HEPH: variants seen among roughly 807,000 people sequenced by gnomAD.
HEPH encodes the protein hephaestin.
In HEPH, 69 loss-of-function variants were observed where a neutral mutation model predicts 80.8. The observed-to-expected ratio is 0.85, with a 90% CI of 0.70 to 1.04. The LOEUF (loss-of-function observed/expected upper bound fraction) is 1.04, where lower values mean the gene tolerates loss of function less well. HEPH is among the 50% of genes least tolerant of loss of function. The pLI is 0.00. For synonymous variants in HEPH, 431 were observed against 322.8 expected (o/e 1.34, Z -3.60); for missense variants, 1,115 against 891.3 (o/e 1.25, Z -3.20).
rs752212051 is a variant in HEPH at position 66,173,852 on chromosome X, T to C, written c.625+51T>C. The C allele has an allele frequency of 1.7e-5, 16 of 940,698 alleles. No individual in the cohort carries two copies. In the Admixed American group the frequency reaches 4.5e-4, roughly 26 times the overall value. 77.5% of individuals were successfully genotyped at this position (940,698 alleles called of 1,213,427 possible). A position where few individuals can be genotyped will look rare whatever the true frequency, so the allele number is the denominator to read the frequency against. On this transcript the variant is annotated intron_variant, in intron 4 of 20. Transcript: ENST00000343002. ...AGGTGTAGTTTGGGACATCTAGGGG[T>C]AGCAGTGATATGGTTGAACCACCTA...
At chrX:66,197,932 A>G (rs2088195181) in intron 10 of HEPH, 38 bp downstream of exon 10, 2 of 1,106,464 alleles carry the variant, frequency 1.8e-6, no homozygotes, top group Non-Finnish European at 2.4e-6. Flanking sequence ...GCCTGCTGGG[A>G]GAAGGATGAA....
At chrX:66,166,315 T>G (rs948495260) in intron 1 of HEPH, among the ~76,000 whole-genome samples, 1 of 111,321 alleles carries the variant, frequency 9.0e-6, no homozygotes, top group Non-Finnish European at 1.9e-5. Flanking sequence ...TGCCTCAGCC[T>G]CCCGAGTAGC....
At position 66,200,759 on chromosome X, in the gene HEPH, G is replaced by T; in HGVS notation, c.2077+7G>T. ...ATGCAGCCTGACAACCTTGGTAAGT[G>T]CCTTAGCAGCTGGCCCTAGAGGCTT... On this transcript the variant is annotated splice_region_variant and intron_variant, in intron 12 of 20. Coordinates refer to ENST00000343002, the MANE Select transcript of HEPH (RefSeq NM_001367233.3). 1 of 1,197,540 alleles carries T rather than the reference G, an allele frequency of 8.4e-7. No homozygotes were observed. Among genetic ancestry groups the T allele is most frequent in the South Asian group, 1.8e-5 (1 of 55,763 alleles).
intron 15 of HEPH, among the ~76,000 whole-genome samples, chrX:66,240,165 A>G (rs2090516480): frequency 8.9e-6 from 1 of 112,227 alleles, no homozygotes; most frequent in Non-Finnish European, 1.9e-5. Context: ...AACTCTAAGA[A>G]TAAAATGGAA....
intron 15 of HEPH, among the ~76,000 whole-genome samples, chrX:66,243,488 T>C (rs2090687813): frequency 8.9e-6 from 1 of 112,908 alleles, no homozygotes; most frequent in Non-Finnish European, 1.9e-5. Context: ...GAATAGCAAC[T>C]CCTGCTTTCT....
chrX:66,236,505 A>T (rs188827900), intron 15 of HEPH, among the ~76,000 whole-genome samples: 14 of 111,582 alleles, frequency 1.3e-4, no homozygotes, highest in African/African-American at 4.6e-4. Flanking sequence ...GTGCTGTGGA[A>T]TTCGGTTTGC....
chrX:66,213,169 T>G (rs184470777), intron 15 of HEPH, among the ~76,000 whole-genome samples: 1,546 of 109,635 alleles, frequency 0.014, 30 homozygotes, highest in African/African-American at 0.049. Flanking sequence ...TATCTCCCAA[T>G]GCTATCCCTC....
At chrX:66,166,270 C>T (rs1275441641) in intron 1 of HEPH, among the ~76,000 whole-genome samples, 2 of 111,272 alleles carry the variant, frequency 1.8e-5, no homozygotes, top group Non-Finnish European at 3.8e-5. Flanking sequence ...TTCGGCTCAC[C>T]ACAACCTCCG....
At chrX:66,242,165 G>T (rs1327337059) in intron 15 of HEPH, among the ~76,000 whole-genome samples, 1 of 109,407 alleles carries the variant, frequency 9.1e-6, no homozygotes, top group Non-Finnish European at 1.9e-5. Context: ...TGGTACAAAA[G>T]CAGACACATA....
chrX:66,211,952 A>G (rs2089152983), intron 15 of HEPH, among the ~76,000 whole-genome samples: 1 of 111,369 alleles, frequency 9.0e-6, no homozygotes, highest in South Asian at 3.7e-4. Flanking sequence ...ATTTCCACCA[A>G]TAGTGTGTAA....
chrX:66,172,670 A>G, intron 3 of HEPH, 71 bp downstream of exon 3: 1 of 1,020,668 alleles, frequency 9.8e-7, no homozygotes, highest in Non-Finnish European at 1.3e-6. Context: ...CAGGTGAAGG[A>G]GAAGAACTGG....
At chrX:66,236,268 ATTATT>A (rs1297816928) in intron 15 of HEPH, among the ~76,000 whole-genome samples, 1 of 111,303 alleles carries the variant, frequency 9.0e-6, no homozygotes, top group Non-Finnish European at 1.9e-5. Context: ...GATGGCTCTT[ATTATT>A]TTGAGATATG....
chrX:66,234,861 T>A (rs1602460775), intron 15 of HEPH, among the ~76,000 whole-genome samples: 1 of 110,103 alleles, frequency 9.1e-6, no homozygotes, highest in South Asian at 3.9e-4. Flanking sequence ...GTTGGGCAGG[T>A]TGGTCTTGAA....
downstream of HEPH, chrX:66,267,917 T>G (rs1175454590): frequency 2.7e-5 from 3 of 111,668 alleles, no homozygotes; most frequent in Non-Finnish European, 5.6e-5. Context: ...TTGTACCACA[T>G]GGCAAGTGGA....
chrX:66,248,613 T>C (rs2090898419), intron 15 of HEPH, among the ~76,000 whole-genome samples: 2 of 112,236 alleles, frequency 1.8e-5, no homozygotes, highest in South Asian at 7.4e-4. Flanking sequence ...TTGCTAAGAT[T>C]GATGGTAAGA....
intron 4 of HEPH, among the ~76,000 whole-genome samples, chrX:66,178,377 C>G (rs2086917231): frequency 8.9e-6 from 1 of 112,507 alleles, no homozygotes; most frequent in Non-Finnish European, 1.9e-5. Flanking sequence ...CAAGTCTTTG[C>G]TATTGTGAAT....
At chrX:66,176,308 A>T (rs1407541141) in intron 4 of HEPH, among the ~76,000 whole-genome samples, 1 of 111,786 alleles carries the variant, frequency 8.9e-6, no homozygotes, top group African/African-American at 3.3e-5. Flanking sequence ...CATGTGGTGC[A>T]TCACACATAT....
intron 15 of HEPH, among the ~76,000 whole-genome samples, chrX:66,235,523 G>C (rs1351429930): frequency 9.0e-6 from 1 of 111,186 alleles, no homozygotes; most frequent in African/African-American, 3.3e-5. Flanking sequence ...TAGGTATGTG[G>C]CCTTCTTTTT....
At chrX:66,267,431 C>T (rs1027724426), downstream of HEPH, 1 of 111,885 alleles carries the variant, frequency 8.9e-6, no homozygotes, top group Non-Finnish European at 1.9e-5. Flanking sequence ...TGGCTTCTGT[C>T]ACTGTGATTG....
Sources: allele counts gnomAD v4.1 joint callset (sites outside exome capture counted in the v4.1 genomes callset), GRCh38; gene constraint gnomAD v4.1.1; transcripts MANE v1.5; gene names NCBI Gene and HGNC (gene_info 2026-07-23, HGNC 2026-07-21).